Variants in BBS9 observed in about 807,000 individuals in gnomAD.
The protein encoded by BBS9 is Bardet-Biedl syndrome 9.
In BBS9, 89 loss-of-function variants were observed where a neutral mutation model predicts 117.7. The observed-to-expected ratio is 0.76, with a 90% confidence interval of 0.64 to 0.90. The LOEUF is 0.90. Among genes scored for constraint, BBS9 ranks in the 40% least tolerant of loss-of-function variants. BBS9 has a pLI of 0.00. For missense variants in BBS9, 982 were observed against 1,042.2 expected, an observed-to-expected ratio of 0.94 and a Z score of 0.80; for synonymous variants, 379 against 370.9, an observed-to-expected ratio of 1.02 and a Z score of -0.25.
At chr7:33,472,504 G>A (rs1175993311) in intron 19 of BBS9, among the ~76,000 whole-genome samples, 4 of 152,078 alleles carry the variant, frequency 2.6e-5, no homozygotes, top group South Asian at 2.1e-4. Flanking sequence ...GCTTGAAGCC[G>A]GGTGACTGCT....
intron 9 of BBS9, among the ~76,000 whole-genome samples, chr7:33,297,224 G>T (rs1284138691): frequency 6.6e-6 from 1 of 152,080 alleles, no homozygotes; most frequent in Non-Finnish European, 1.5e-5. Context: ...TTCTCTACAT[G>T]TTTGCTCCTA....
chr7:33,241,873 T>C (rs1391779710), intron 5 of BBS9, among the ~76,000 whole-genome samples: 1 of 152,154 alleles, frequency 6.6e-6, no homozygotes, highest in Non-Finnish European at 1.5e-5. Flanking sequence ...ATTTTTATAT[T>C]TTCTGTCAAT....
chr7:33,137,273 C>A (rs977594724), intron 1 of BBS9, among the ~76,000 whole-genome samples: 1 of 152,206 alleles, frequency 6.6e-6, no homozygotes, highest in Non-Finnish European at 1.5e-5. Context: ...TTGGGAGAGG[C>A]CAGGGAGCGG....
At chr7:33,480,522 C>A (rs77413155) in intron 19 of BBS9, among the ~76,000 whole-genome samples, 8,359 of 152,138 alleles carry the variant, frequency 0.055, 255 homozygotes, top group East Asian at 0.12. Flanking sequence ...AATGTCTTGT[C>A]AAAGCTTCAC....
intron 21 of BBS9, among the ~76,000 whole-genome samples, chr7:33,550,583 G>T (rs149670996): frequency 3.3e-5 from 5 of 151,928 alleles, no homozygotes; most frequent in African/African-American, 1.2e-4. Context: ...CAAAGATGAC[G>T]TTCTTTAGAA....
At chr7:33,184,652 T>C (rs1798570604) in intron 5 of BBS9, among the ~76,000 whole-genome samples, 1 of 152,212 alleles carries the variant, frequency 6.6e-6, no homozygotes, top group African/African-American at 2.4e-5. Flanking sequence ...CAATGGGTTC[T>C]GCATTCTGTT....
intron 21 of BBS9, among the ~76,000 whole-genome samples, chr7:33,537,560 A>G (rs1303625528): frequency 1.3e-5 from 2 of 152,096 alleles, no homozygotes; most frequent in Admixed American, 6.5e-5. Context: ...TTAAATATCT[A>G]TTTTCCAGTC....
Position 33,179,306 on chromosome 7 carries a change from C to T in BBS9, c.442+1715C>T, listed in dbSNP as rs544682015. ...TTATATAGCAGGGATCCCCGATCCCCAAGCTACAGATGTGTAGTGGTCCAT... is the reference window on the plus strand; with the variant it reads ...TTATATAGCAGGGATCCCCGATCCCTAAGCTACAGATGTGTAGTGGTCCAT... On this transcript the variant is annotated intron_variant, in intron 5 of 22. Coordinates refer to ENST00000242067, the MANE Select transcript of BBS9 (RefSeq NM_198428.3). 2.0e-4 allele frequency among the ~76,000 whole-genome samples: 30 copies of T among 152,302 alleles called. 1 individual carries two copies. The South Asian group carries it at 6.0e-3, about 31-fold the overall frequency.
At chr7:33,470,849 G>T (rs1840916529) in intron 19 of BBS9, among the ~76,000 whole-genome samples, 1 of 152,102 alleles carries the variant, frequency 6.6e-6, no homozygotes, top group Non-Finnish European at 1.5e-5. Flanking sequence ...ACTCATTCAG[G>T]GGGGTGTCCT....
At chr7:33,563,587 C>T (rs1439214574) in intron 21 of BBS9, among the ~76,000 whole-genome samples, 1 of 152,158 alleles carries the variant, frequency 6.6e-6, no homozygotes, top group Admixed American at 6.6e-5. Context: ...TAGTGTGGTG[C>T]TTTTGCTGCC....
chr7:33,532,046 C>T (rs1486774235), intron 20 of BBS9, among the ~76,000 whole-genome samples: 3 of 152,204 alleles, frequency 2.0e-5, no homozygotes, highest in Non-Finnish European at 4.4e-5. Context: ...CAGGGAATAC[C>T]AGACATGCAA....
intron 19 of BBS9, among the ~76,000 whole-genome samples, chr7:33,439,721 G>T (rs922566115): frequency 4.6e-5 from 7 of 152,082 alleles, no homozygotes; most frequent in African/African-American, 1.4e-4. Context: ...TAGAGACAGG[G>T]TTTCACCATG....
intron 9 of BBS9, among the ~76,000 whole-genome samples, chr7:33,284,434 A>T (rs1216166152): frequency 6.6e-6 from 1 of 152,096 alleles, no homozygotes; most frequent in Non-Finnish European, 1.5e-5. Flanking sequence ...GTAGGTAATC[A>T]GTTCTTTATG....
intron 21 of BBS9, among the ~76,000 whole-genome samples, chr7:33,565,631 C>T (rs554530114): frequency 6.6e-5 from 10 of 151,186 alleles, no homozygotes; most frequent in African/African-American, 2.4e-4. Context: ...TGGGTATTGT[C>T]TTGCCAGTGA....
At chr7:33,441,996 G>A (rs576836620) in intron 19 of BBS9, among the ~76,000 whole-genome samples, 2 of 151,174 alleles carry the variant, frequency 1.3e-5, no homozygotes, top group South Asian at 2.1e-4. Flanking sequence ...GGTTCAAGCC[G>A]TTCTTTTGCC....
chr7:33,515,521 C>A (rs1847629816), intron 20 of BBS9, among the ~76,000 whole-genome samples: 1 of 152,234 alleles, frequency 6.6e-6, no homozygotes, highest in Non-Finnish European at 1.5e-5. Flanking sequence ...CTCAAAACTT[C>A]ATTTTTCCTC....
intron 1 of BBS9, among the ~76,000 whole-genome samples, chr7:33,136,437 A>G (rs1790470700): frequency 6.6e-6 from 1 of 152,146 alleles, no homozygotes; most frequent in Admixed American, 6.5e-5. Flanking sequence ...CTTGTGCCTG[A>G]TCTTAGGAGG....
At chr7:33,313,361 A>G (rs960030588) in intron 9 of BBS9, among the ~76,000 whole-genome samples, 4 of 152,210 alleles carry the variant, frequency 2.6e-5, no homozygotes, top group African/African-American at 7.2e-5. Flanking sequence ...TCATTAATGA[A>G]AGAAGTTGCG....
chr7:33,494,580 C>G (rs904281340), intron 19 of BBS9, among the ~76,000 whole-genome samples: 3 of 152,126 alleles, frequency 2.0e-5, no homozygotes, highest in Admixed American at 6.5e-5. Context: ...AAATGGGAGG[C>G]TTTGGTCTTG....
Sources: gnomAD v4.1 joint callset for allele counts (sites outside exome capture counted in the v4.1 genomes callset) on GRCh38, gnomAD v4.1.1 for gene constraint, MANE v1.5 for transcripts, NCBI Gene and HGNC (gene_info 2026-07-23, HGNC 2026-07-21) for gene names.